The following ANKRD12 variants were observed in gnomAD, a reference collection of about 807,000 sequenced individuals.
ANKRD12 encodes the protein ankyrin repeat domain-containing protein 12.
In ANKRD12, 85 loss-of-function variants were observed where a neutral mutation model predicts 183.4. The ratio of observed to expected loss-of-function variants is 0.46; its 90% CI spans 0.39 to 0.56. ANKRD12 has a LOEUF of 0.56. Ranked by LOEUF, ANKRD12 falls within the 20% of genes least tolerant of loss-of-function variation. The pLI is 0.00. For synonymous variants in ANKRD12, 914 were observed against 800.2 expected (o/e 1.14, Z -2.40); for missense variants, 2,405 against 2,357.1 (o/e 1.02, Z -0.42).
intron 7 of ANKRD12, 117 bp downstream of exon 7, chr18:9,217,017 A>T (rs2036145670): frequency 1.1e-6 from 1 of 911,664 alleles, no homozygotes; most frequent in Non-Finnish European, 1.6e-6. Flanking sequence ...CATTGCTTGA[A>T]CAACTCATCT....
At chr18:9,167,301 C>T (rs1354466499) in intron 1 of ANKRD12, among the ~76,000 whole-genome samples, 3 of 152,116 alleles carry the variant, frequency 2.0e-5, no homozygotes, top group African/African-American at 7.2e-5. Context: ...TATAAATTAC[C>T]TTGGGCAGTA....
At chr18:9,275,118 G>A (rs1364178174) in intron 10 of ANKRD12, among the ~76,000 whole-genome samples, 1 of 152,116 alleles carries the variant, frequency 6.6e-6, no homozygotes, top group African/African-American at 2.4e-5. Context: ...TTGAGTCCAG[G>A]ATTTCGAGAT....
At chr18:9,161,421 G>C (rs2031399948) in intron 1 of ANKRD12, among the ~76,000 whole-genome samples, 1 of 151,310 alleles carries the variant, frequency 6.6e-6, no homozygotes. Context: ...TGTCACCCAG[G>C]CTGGAGTGCA....
intron 9 of ANKRD12, chr18:9,259,687 A>G (rs1380123230): frequency 3.3e-5 from 5 of 152,178 alleles, no homozygotes; most frequent in Non-Finnish European, 7.4e-5. Flanking sequence ...TTTATTTTTT[A>G]ATGAGAATTA....
rs551886198 is a variant in ANKRD12, at chr18:9,139,383, G to T, written c.-52+2418G>T. Among the ~76,000 whole-genome samples the T allele has an allele frequency of 2.0e-5, 3 of 152,238 alleles. No homozygotes were observed. In the East Asian group the frequency reaches 5.8e-4, roughly 29 times the overall value. On this transcript the variant is annotated intron_variant, in intron 1 of 12. Coordinates refer to ENST00000262126, the MANE Select transcript of ANKRD12 (RefSeq NM_015208.5). ...ACTGATACTCTTTTGAAGTAGATTG[G>T]AGAAATGGTAGGATATTTGGAAAAC... is the stretch of plus-strand genomic sequence containing the variant.
intron 8 of ANKRD12, among the ~76,000 whole-genome samples, chr18:9,229,270 A>G (rs1230899031): frequency 6.6e-6 from 1 of 152,096 alleles, no homozygotes; most frequent in African/African-American, 2.4e-5. Context: ...TGCTTTGGCT[A>G]TTCAGGCTCT....
intron 1 of ANKRD12, among the ~76,000 whole-genome samples, chr18:9,161,094 C>CTG (rs751741395): frequency 1.7e-4 from 25 of 151,470 alleles, no homozygotes; most frequent in Middle Eastern, 3.4e-3. Flanking sequence ...TTGCCTTGGC[C>CTG]TGTGTGTGTG....
At chr18:9,143,246 TG>T (rs2078380856) in intron 1 of ANKRD12, among the ~76,000 whole-genome samples, 1 of 152,218 alleles carries the variant, frequency 6.6e-6, no homozygotes, top group Non-Finnish European at 1.5e-5. Flanking sequence ...TATCTCTAAC[TG>T]GGTCTTTTTT....
intron 8 of ANKRD12, among the ~76,000 whole-genome samples, chr18:9,246,161 A>G (rs2037951355): frequency 6.6e-6 from 1 of 151,162 alleles, no homozygotes; most frequent in Admixed American, 6.6e-5. Flanking sequence ...TTAGCTATAG[A>G]AACTTTTAAA....
chr18:9,269,167 A>G (rs1411670235), intron 10 of ANKRD12, among the ~76,000 whole-genome samples: 4 of 152,258 alleles, frequency 2.6e-5, no homozygotes, highest in African/African-American at 9.6e-5. Context: ...GGTAGGAAGA[A>G]TCAATATCGT....
intron 1 of ANKRD12, among the ~76,000 whole-genome samples, chr18:9,166,311 G>C (rs1375377011): frequency 6.6e-6 from 1 of 152,118 alleles, no homozygotes; most frequent in African/African-American, 2.4e-5. Flanking sequence ...CTTCCACAAT[G>C]GTTGAACTAG....
chr18:9,212,943 T>C (rs1474407777), intron 6 of ANKRD12, among the ~76,000 whole-genome samples: 1 of 151,972 alleles, frequency 6.6e-6, no homozygotes, highest in Non-Finnish European at 1.5e-5. Context: ...GTCCTGTTTT[T>C]AATCTACAAG....
In ANKRD12 at chr18:9,143,533, G is replaced by A. The variant is rs147790245; in HGVS notation, c.-52+6568G>A. 3.2e-4 allele frequency among the ~76,000 whole-genome samples: 48 copies of A among 152,206 alleles called. No individual in the cohort carries two copies. The East Asian group carries it at 8.3e-3, about 26-fold the overall frequency. ...TGGAGTGTAAAGGCATGATCTTGGC[G>A]TACTGCAACCTCCGCCTCCTGGTTT... On this transcript the variant is annotated intron_variant, in intron 1 of 12. Transcript: ENST00000262126.
intron 3 of ANKRD12, among the ~76,000 whole-genome samples, chr18:9,196,416 AATGT>A (rs1247734299): frequency 3.9e-5 from 6 of 152,206 alleles, no homozygotes; most frequent in African/African-American, 1.2e-4. Context: ...TATAAACTTG[AATGT>A]ATGTATTTAC....
At chr18:9,248,988 T>G (rs1472562183) in intron 8 of ANKRD12, among the ~76,000 whole-genome samples, 1 of 152,250 alleles carries the variant, frequency 6.6e-6, no homozygotes, top group Non-Finnish European at 1.5e-5. Context: ...TGTATCTCTT[T>G]CTACACTTCT....
intron 1 of ANKRD12, among the ~76,000 whole-genome samples, chr18:9,145,218 G>T (rs184525721): frequency 3.3e-5 from 5 of 152,270 alleles, no homozygotes; most frequent in Admixed American, 3.3e-4. Flanking sequence ...AAACTTCTGG[G>T]CTCAAGGAAT....
chr18:9,274,426 AAG>A (rs1242353210), intron 10 of ANKRD12, among the ~76,000 whole-genome samples: 1 of 152,232 alleles, frequency 6.6e-6, no homozygotes, highest in African/African-American at 2.4e-5. Flanking sequence ...TGCCAAGTGA[AAG>A]AAGCCAATCA....
chr18:9,267,773 G>C (rs1404988837), intron 10 of ANKRD12, among the ~76,000 whole-genome samples: 1 of 147,808 alleles, frequency 6.8e-6, no homozygotes, highest in Non-Finnish European at 1.5e-5. Context: ...ACTAAGATCA[G>C]AGCAGAACTG....
At chr18:9,205,271 CT>C (rs2035417203) in intron 4 of ANKRD12, among the ~76,000 whole-genome samples, 1 of 150,922 alleles carries the variant, frequency 6.6e-6, no homozygotes, top group South Asian at 2.1e-4. Flanking sequence ...TTTTGATTGT[CT>C]TTTTTTAAAT....
Sources: gnomAD v4.1 joint callset for allele counts (sites outside exome capture counted in the v4.1 genomes callset) on GRCh38, gnomAD v4.1.1 for gene constraint, MANE v1.5 for transcripts, NCBI Gene and HGNC (gene_info 2026-07-23, HGNC 2026-07-21) for gene names.